The following THSD7A variants were observed in gnomAD, a reference collection of about 807,000 sequenced individuals.
The protein encoded by THSD7A is thrombospondin type 1 domain containing 7A.
THSD7A carries 96 observed loss-of-function variants against 231.3 expected under a neutral mutation model. That is an observed-to-expected ratio of 0.41 (90% CI 0.35 to 0.49). The LOEUF is 0.49. Ranked by LOEUF, THSD7A falls within the 20% of genes least tolerant of loss-of-function variation. The pLI is 0.05. For missense variants in THSD7A, 2,290 were observed against 2,070.2 expected, an observed-to-expected ratio of 1.11 and a Z score of -2.06; for synonymous variants, 940 against 743.3, an observed-to-expected ratio of 1.26 and a Z score of -4.30.
chr7:11,619,925 T>C (rs1436476790), intron 2 of THSD7A, among the ~76,000 whole-genome samples: 1 of 152,204 alleles, frequency 6.6e-6, no homozygotes, highest in Non-Finnish European at 1.5e-5. Context: ...TGATAAAACA[T>C]GTCTCTATAA....
chr7:11,796,008 G>A (rs565620471), intron 1 of THSD7A, among the ~76,000 whole-genome samples: 2 of 132,160 alleles, frequency 1.5e-5, no homozygotes, highest in African/African-American at 5.6e-5. Context: ...ATGTATTTTT[G>A]GTACTTCTTT....
chr7:11,742,754 T>G (rs1243896753), intron 1 of THSD7A, among the ~76,000 whole-genome samples: 7 of 151,916 alleles, frequency 4.6e-5, no homozygotes. Flanking sequence ...TTCACATCTC[T>G]AAATGGGAGG....
intron 7 of THSD7A, among the ~76,000 whole-genome samples, chr7:11,476,818 GA>G (rs1332378526): frequency 0.12 from 10,232 of 83,838 alleles, 440 homozygotes; most frequent in Middle Eastern, 0.19. Context: ...CCGTCTCAGA[GA>G]AAAAAAAAAA....
Position 11,446,249 on chromosome 7 carries a change from T to C in THSD7A, c.2876A>G (p.Asp959Gly). ...PLIETQYCPCDKYNAQPVGNW... is the reference protein window; with the variant it reads ...PLIETQYCPCGKYNAQPVGNW... Reference sequence around the variant, plus strand: ...CCCCACAGGTTGTGCATTATATTTGTCACAAGGACAATACTGAGTCTCAAT... The same window carrying C: ...CCCCACAGGTTGTGCATTATATTTGCCACAAGGACAATACTGAGTCTCAAT... Residue 959 changes from aspartate (D) to glycine (G), a missense_variant, in exon 13 of 28, where the codon GAC becomes GGC. Asp to Gly is a moderately conservative substitution (Grantham distance 94). Transcript: ENST00000423059. The surrounding 1 kb of genome is among the most constrained non-coding windows in gnomAD (Gnocchi z 4.0). 1 of 1,613,522 alleles carries C rather than the reference T, an allele frequency of 6.2e-7. No homozygotes were observed. The highest frequency in any genetic ancestry group is 8.5e-7 in the Non-Finnish European group (1 of 1,179,594).
At chr7:11,695,192 C>T (rs573556511) in intron 1 of THSD7A, among the ~76,000 whole-genome samples, 3 of 151,610 alleles carry the variant, frequency 2.0e-5, no homozygotes, top group Admixed American at 6.6e-5. Context: ...TCCTGTTCAT[C>T]TCTTGCTGAC....
intron 1 of THSD7A, among the ~76,000 whole-genome samples, chr7:11,731,806 T>C (rs1781745452): frequency 6.6e-6 from 1 of 151,658 alleles, no homozygotes; most frequent in African/African-American, 2.4e-5. Flanking sequence ...AGAAATCTTG[T>C]TGATAAAAGA....
intron 1 of THSD7A, among the ~76,000 whole-genome samples, chr7:11,735,729 A>G (rs996638610): frequency 5.3e-5 from 8 of 151,972 alleles, no homozygotes; most frequent in African/African-American, 1.9e-4. Flanking sequence ...AAAAGTTGAA[A>G]CAGTCTAATA....
intron 14 of THSD7A, 92 bp from the exon 15 acceptor site, chr7:11,426,763 T>C: frequency 7.5e-7 from 1 of 1,337,632 alleles, no homozygotes; most frequent in Non-Finnish European, 1.0e-6. Flanking sequence ...ATGGTAAGTT[T>C]CAAGTATTAT....
At chr7:11,648,216 C>T (rs534646236) in intron 1 of THSD7A, among the ~76,000 whole-genome samples, 82 of 152,174 alleles carry the variant, frequency 5.4e-4, no homozygotes, top group African/African-American at 1.9e-3. Context: ...GATTCCCCTC[C>T]ACCATTATCC....
intron 1 of THSD7A, among the ~76,000 whole-genome samples, chr7:11,780,029 T>C (rs542662758): frequency 3.5e-4 from 53 of 152,316 alleles, no homozygotes; most frequent in Middle Eastern, 3.4e-3. Flanking sequence ...TTTTTCATAG[T>C]CTGGGTCTGG....
intron 1 of THSD7A, among the ~76,000 whole-genome samples, chr7:11,766,789 C>G (rs1235052761): frequency 2.0e-5 from 3 of 152,088 alleles, no homozygotes; most frequent in Non-Finnish European, 2.9e-5. Context: ...CAGGGAGAAA[C>G]AGTTTAGCCA....
At chr7:11,726,747 G>A (rs546560614) in intron 1 of THSD7A, among the ~76,000 whole-genome samples, 82 of 152,170 alleles carry the variant, frequency 5.4e-4, no homozygotes, top group Admixed American at 9.8e-4. Flanking sequence ...CAGGGTATGA[G>A]TAGTGCTGAA....
intron 1 of THSD7A, among the ~76,000 whole-genome samples, chr7:11,819,066 G>A (rs1482483231): frequency 1.3e-5 from 2 of 152,096 alleles, no homozygotes; most frequent in African/African-American, 4.8e-5. Flanking sequence ...ATCTGCAGAT[G>A]ACAAGCAAAT....
intron 4 of THSD7A, among the ~76,000 whole-genome samples, chr7:11,559,625 G>C (rs2128329068): frequency 6.6e-6 from 1 of 151,742 alleles, no homozygotes; most frequent in East Asian, 1.9e-4. Context: ...TTTTAAGAAA[G>C]GCAAGAAAGG....
rs1782239066 is a variant in THSD7A at position 11,375,652 on chromosome 7, A to AT, written c.*141dup. 6 of 657,766 alleles carry AT rather than the reference A, an allele frequency of 9.1e-6. No homozygotes were observed. The highest frequency in any genetic ancestry group is 1.6e-5 in the Non-Finnish European group (6 of 383,772). 40.7% of individuals were successfully genotyped at this position (657,766 alleles called of 1,614,324 possible). ...CTTAAATATCTCCAGTGGCAGTATG[A>AT]TTTTCACTCTTGTCTTTATGATGCC... On this transcript the variant is annotated 3_prime_UTR_variant, in exon 28 of 28. Coordinates refer to ENST00000423059, the MANE Select transcript of THSD7A (RefSeq NM_015204.3).
rs570383448 is a variant in THSD7A at position 11,636,012 on chromosome 7, G to C, written c.1022+118C>G. 3 of 895,500 alleles carry C rather than the reference G, an allele frequency of 3.4e-6. No homozygotes were observed. Among genetic ancestry groups the C allele is most frequent in the Admixed American group, 6.1e-5 (2 of 32,910 alleles). 55.5% of individuals were successfully genotyped at this position (895,500 alleles called of 1,614,324 possible). On this transcript the variant is annotated intron_variant, in intron 2 of 27. Transcript: ENST00000423059. The surrounding 1 kb of genome is among the most constrained non-coding windows in gnomAD (Gnocchi z 10.0). ...CTCAGAAGCCTTAAATTTGGGGGTA[G>C]CTCATCCTAGGTTGTGCCCCTACGT...
At chr7:11,466,918 C>G (rs961409701) in intron 9 of THSD7A, among the ~76,000 whole-genome samples, 2 of 152,086 alleles carry the variant, frequency 1.3e-5, no homozygotes, top group African/African-American at 4.8e-5. Context: ...GCCTCACATG[C>G]CTGCCACTCA....
At chr7:11,783,437 C>T (rs1341423017) in intron 1 of THSD7A, among the ~76,000 whole-genome samples, 1 of 152,082 alleles carries the variant, frequency 6.6e-6, no homozygotes, top group Admixed American at 6.6e-5. Flanking sequence ...ATTGTAAAGT[C>T]AAAAAATCTT....
Position 11,406,058 on chromosome 7 carries a change from G to A in THSD7A, c.4237+242C>T, listed in dbSNP as rs1783570981. 6.6e-6 allele frequency among the ~76,000 whole-genome samples: 1 copy of A among 152,092 alleles called. No homozygotes were observed. Among genetic ancestry groups the A allele is most frequent in the Non-Finnish European group, 1.5e-5 (1 of 68,028 alleles). On this transcript the variant is annotated intron_variant, in intron 22 of 27. Coordinates refer to ENST00000423059, the MANE Select transcript of THSD7A (RefSeq NM_015204.3). The surrounding 1 kb of genome is among the most constrained non-coding windows in gnomAD (Gnocchi z 4.7). ...CTTAAGGCCTTAAATACCATCTCCT[G>A]CAGATGTTAAAACTCCAGAGGGTGT...
Sources: gnomAD v4.1 joint callset for allele counts (sites outside exome capture counted in the v4.1 genomes callset) on GRCh38, gnomAD v4.1.1 for gene constraint, Gnocchi (gnomAD v3.1) non-coding constraint, MANE v1.5 for transcripts, NCBI Gene and HGNC (gene_info 2026-07-23, HGNC 2026-07-21) for gene names.